The following CYSTM1 variants were observed in gnomAD, a reference collection of about 807,000 sequenced individuals.
CYSTM1 encodes the protein cysteine-rich transmembrane module-containing protein 1.
Under a neutral mutation model 13.1 loss-of-function variants are expected in CYSTM1, and 4 were observed. The observed-to-expected ratio is 0.31, with a 90% CI of 0.15 to 0.70. The LOEUF is 0.70. Among genes scored for constraint, CYSTM1 ranks in the 30% least tolerant of loss-of-function variants. The pLI is 0.72. For synonymous variants in CYSTM1, 36 were observed against 42.7 expected (o/e 0.84, Z 0.62); for missense variants, 96 against 121.6 (o/e 0.79, Z 0.99).
intron 1 of CYSTM1, among the ~76,000 whole-genome samples, chr5:140,182,964 G>A (rs970041597): frequency 6.6e-6 from 1 of 152,206 alleles, no homozygotes; most frequent in East Asian, 1.9e-4. Context: ...AGGGTCAGGA[G>A]AGCGTGCTTT....
intron 1 of CYSTM1, among the ~76,000 whole-genome samples, chr5:140,187,459 G>C (rs1239818269): frequency 1.3e-5 from 2 of 152,068 alleles, no homozygotes; most frequent in Non-Finnish European, 2.9e-5. Flanking sequence ...CAATCTCCCA[G>C]GCTCAAGTGA....
rs151270653 is a variant in CYSTM1 at position 140,222,548 on chromosome 5, C to G, written c.188-20757C>G. Among the ~76,000 whole-genome samples, 992 of 152,362 alleles carry G rather than the reference C, an allele frequency of 6.5e-3. 7 individuals carry two copies. The highest frequency in any genetic ancestry group is 0.022 in the African/African-American group (923 of 41,578). On this transcript the variant is annotated intron_variant, in intron 2 of 2. Coordinates refer to ENST00000261811, the MANE Select transcript of CYSTM1 (RefSeq NM_032412.4). ...CTCTAGATTCACAAATGAGCCAACT[C>G]AAACTACTGCATAACTAAAAATACT...
At chr5:140,209,970 T>C (rs968367647) in intron 2 of CYSTM1, among the ~76,000 whole-genome samples, 1 of 152,202 alleles carries the variant, frequency 6.6e-6, no homozygotes, top group Non-Finnish European at 1.5e-5. Flanking sequence ...CAGTCACAAA[T>C]GTCTTAATAA....
At chr5:140,184,662 T>C (rs1487040644) in intron 1 of CYSTM1, among the ~76,000 whole-genome samples, 1 of 152,204 alleles carries the variant, frequency 6.6e-6, no homozygotes, top group Non-Finnish European at 1.5e-5. Context: ...GGTAGTAATG[T>C]CTTTTTTCCC....
At chr5:140,225,746 G>A (rs1197804830) in intron 2 of CYSTM1, among the ~76,000 whole-genome samples, 8 of 152,254 alleles carry the variant, frequency 5.3e-5, no homozygotes, top group East Asian at 3.9e-4. Flanking sequence ...CAGGGCCTTC[G>A]GTTCCTGGCA....
intron 2 of CYSTM1, among the ~76,000 whole-genome samples, chr5:140,236,423 G>A (rs756075228): frequency 1.3e-5 from 2 of 152,174 alleles, no homozygotes; most frequent in Non-Finnish European, 2.9e-5. Context: ...GCACCAGCAC[G>A]GCAGGCACCT....
chr5:140,185,605 G>C (rs1019901957), intron 1 of CYSTM1, among the ~76,000 whole-genome samples: 5 of 152,180 alleles, frequency 3.3e-5, no homozygotes, highest in Admixed American at 6.5e-5. Flanking sequence ...TGAGCAAGTC[G>C]TAAAAAGAAA....
chr5:140,218,614 C>A (rs1231534701), intron 2 of CYSTM1, among the ~76,000 whole-genome samples: 1 of 152,238 alleles, frequency 6.6e-6, no homozygotes, highest in African/African-American at 2.4e-5. Context: ...TGTAGCACTG[C>A]CTTTCTTTGC....
At chr5:140,243,232 C>A in intron 2 of CYSTM1, 73 bp from the exon 3 acceptor site, 1 of 1,277,774 alleles carries the variant, frequency 7.8e-7, no homozygotes, top group Non-Finnish European at 1.1e-6. Context: ...TCCTGTGGTC[C>A]TGGGAGGCTA....
chr5:140,242,242 CA>C (rs1367966742), intron 2 of CYSTM1, among the ~76,000 whole-genome samples: 1 of 152,088 alleles, frequency 6.6e-6, no homozygotes. Flanking sequence ...CATGTCCGTG[CA>C]GTAGAGGGCA....
rs1163076923 is a variant in CYSTM1, at chr5:140,219,578, G to A, written c.188-23727G>A. Among the ~76,000 whole-genome samples the A allele has an allele frequency of 6.6e-6, 1 of 152,140 alleles. No homozygotes were observed. Among genetic ancestry groups the A allele is most frequent in the Non-Finnish European group, 1.5e-5 (1 of 68,030 alleles). On this transcript the variant is annotated intron_variant, in intron 2 of 2. Coordinates refer to ENST00000261811, the MANE Select transcript of CYSTM1 (RefSeq NM_032412.4). The surrounding 1 kb of genome is among the most constrained non-coding windows in gnomAD (Gnocchi z 4.1). ...AGGAGAAAACACTACTGTTTTTACT[G>A]TCATAAAATTAAGCCTGGCAGTAGA...
chr5:140,184,076 T>C (rs1287391938), intron 1 of CYSTM1, among the ~76,000 whole-genome samples: 1 of 121,944 alleles, frequency 8.2e-6, no homozygotes, highest in South Asian at 2.4e-4. Flanking sequence ...ATATAACATA[T>C]GTATAAAAAA....
At chr5:140,238,207 G>A (rs1426217340) in intron 2 of CYSTM1, among the ~76,000 whole-genome samples, 1 of 152,164 alleles carries the variant, frequency 6.6e-6, no homozygotes, top group Non-Finnish European at 1.5e-5. Context: ...AGGCTCGGGA[G>A]GCCCAGGGAA....
intron 1 of CYSTM1, among the ~76,000 whole-genome samples, chr5:140,179,515 G>A (rs910656581): frequency 6.7e-6 from 1 of 149,116 alleles, no homozygotes; most frequent in South Asian, 2.1e-4. Flanking sequence ...AGCCAAGATT[G>A]TGCCACTGCA....
intron 2 of CYSTM1, among the ~76,000 whole-genome samples, chr5:140,222,766 A>G (rs1463947231): frequency 6.6e-6 from 1 of 152,238 alleles, no homozygotes; most frequent in Non-Finnish European, 1.5e-5. Flanking sequence ...CTGTAGGGGC[A>G]GCATGTGGAG....
At chr5:140,209,618 C>G (rs199867156) in intron 2 of CYSTM1, among the ~76,000 whole-genome samples, 39 of 92,006 alleles carry the variant, frequency 4.2e-4, no homozygotes, top group Admixed American at 2.5e-3. Context: ...TTAGTAAAGG[C>G]GGGGTTTCAC....
At chr5:140,188,815 A>G (rs1423212210) in intron 1 of CYSTM1, among the ~76,000 whole-genome samples, 1 of 152,018 alleles carries the variant, frequency 6.6e-6, no homozygotes, top group Non-Finnish European at 1.5e-5. Flanking sequence ...GATGAGTATA[A>G]TAAAAATTGC....
chr5:140,240,976 C>T (rs182385204), intron 2 of CYSTM1, among the ~76,000 whole-genome samples: 5 of 152,264 alleles, frequency 3.3e-5, no homozygotes, highest in East Asian at 3.9e-4. Context: ...ATAAGTGACT[C>T]GGGTTTCTAA....
chr5:140,181,438 T>C (rs547438265), intron 1 of CYSTM1, among the ~76,000 whole-genome samples: 42 of 152,316 alleles, frequency 2.8e-4, no homozygotes, highest in African/African-American at 9.4e-4. Context: ...TTGGTGGCCT[T>C]TAATGTCTGG....
Sources: allele counts gnomAD v4.1 joint callset (sites outside exome capture counted in the v4.1 genomes callset), GRCh38; gene constraint gnomAD v4.1.1; non-coding constraint Gnocchi (gnomAD v3.1); transcripts MANE v1.5; gene names NCBI Gene and HGNC (gene_info 2026-07-23, HGNC 2026-07-21).